DCAF6: variants seen among roughly 807,000 people sequenced by gnomAD.
DCAF6 encodes the protein DDB1 and CUL4 associated factor 6.
In DCAF6, 54 loss-of-function variants were observed where a neutral mutation model predicts 125.1. That is an observed-to-expected ratio of 0.43 (90% CI 0.35 to 0.54). The LOEUF (loss-of-function observed/expected upper bound fraction) is 0.54. Among genes scored for constraint, DCAF6 ranks in the 20% least tolerant of loss-of-function variants. The probability of loss-of-function intolerance (pLI) is 0.01; values close to 1 mark genes in which losing one functional copy is unlikely to be tolerated. For missense variants in DCAF6, 934 were observed against 1,161.7 expected (o/e 0.80, Z 2.85); for synonymous variants, 371 against 390.4 (o/e 0.95, Z 0.58).
intron 13 of DCAF6, among the ~76,000 whole-genome samples, chr1:168,041,368 A>G (rs760533166): frequency 5.3e-4 from 80 of 152,010 alleles, no homozygotes; most frequent in Non-Finnish European, 1.6e-4. Context: ...ATTTTTCCCA[A>G]TTTGGTGTTT....
the DCAF6 span, among the ~76,000 whole-genome samples, chr1:167,872,750 G>A: frequency 2.3e-4 from 34 of 149,246 alleles, no homozygotes; most frequent in African/African-American, 7.9e-4. Flanking sequence ...TGGAATCAGT[G>A]CAAAAGGGCA....
the DCAF6 span, chr1:167,883,696 A>T: frequency 6.9e-7 from 1 of 1,444,464 alleles, no homozygotes; most frequent in Admixed American, 1.7e-5. Flanking sequence ...CACCGCCCCC[A>T]CCTCATACCC....
At chr1:167,866,220 A>G in the DCAF6 span, among the ~76,000 whole-genome samples, 51,767 of 151,972 alleles carry the variant, frequency 0.34, 10,283 homozygotes, top group East Asian at 0.57. Flanking sequence ...CTGGCATTTC[A>G]TCAACAAGAG....
intron 16 of DCAF6, among the ~76,000 whole-genome samples, chr1:168,047,742 G>A (rs754966537): frequency 3.9e-5 from 6 of 151,956 alleles, no homozygotes; most frequent in Non-Finnish European, 8.8e-5. Context: ...TGTGTATACT[G>A]AGGTAATTAG....
the DCAF6 span, among the ~76,000 whole-genome samples, chr1:167,930,763 A>C: frequency 2.6e-5 from 4 of 152,208 alleles, no homozygotes; most frequent in Non-Finnish European, 5.9e-5. Context: ...CACTTTAAAC[A>C]TATTTCATTC....
At chr1:167,975,080 ATG>A in intron 4 of DCAF6, 65 bp downstream of exon 4, 3 of 1,021,822 alleles carry the variant, frequency 2.9e-6, no homozygotes, top group South Asian at 2.5e-5. Flanking sequence ...AAGTACATAC[ATG>A]TGTAGATGCA....
chr1:167,998,590 G>A (rs184820002), intron 7 of DCAF6: 74 of 165,970 alleles, frequency 4.5e-4, no homozygotes, highest in Non-Finnish European at 7.1e-4. Flanking sequence ...CTAAGTTTAT[G>A]TAGTACTCTA....
intron 17 of DCAF6, among the ~76,000 whole-genome samples, chr1:168,061,378 C>T (rs564976385): frequency 1.4e-4 from 21 of 152,188 alleles, no homozygotes; most frequent in African/African-American, 5.1e-4. Flanking sequence ...ATAATTGTTA[C>T]ATAATTATTT....
chr1:167,934,124 T>C (rs1333644775), upstream of DCAF6, among the ~76,000 whole-genome samples: 2 of 152,150 alleles, frequency 1.3e-5, no homozygotes, highest in Non-Finnish European at 2.9e-5. Context: ...TCAGGTGAAA[T>C]GCACATCCTG....
intron 21 of DCAF6, among the ~76,000 whole-genome samples, chr1:168,074,012 ACCTT>A (rs1693490330): frequency 6.7e-6 from 1 of 149,422 alleles, no homozygotes; most frequent in Non-Finnish European, 1.5e-5. Context: ...ATTTGAATAG[ACCTT>A]TATAGATCAG....
the DCAF6 span, among the ~76,000 whole-genome samples, chr1:167,864,440 G>A: frequency 1.7e-4 from 26 of 152,296 alleles, no homozygotes; most frequent in Non-Finnish European, 2.9e-4. Flanking sequence ...TGTTTCAAAT[G>A]TATGGCACAA....
intron 1 of DCAF6, among the ~76,000 whole-genome samples, chr1:167,944,744 T>C (rs1352378546): frequency 6.6e-6 from 1 of 152,224 alleles, no homozygotes; most frequent in African/African-American, 2.4e-5. Flanking sequence ...TTTTCTGTCA[T>C]TCAACAGGAT....
intron 11 of DCAF6, chr1:168,019,609 T>A: frequency 2.2e-6 from 1 of 448,028 alleles, no homozygotes; most frequent in Non-Finnish European, 4.5e-6. Flanking sequence ...AGTCTGCTGG[T>A]ACTGACCTAA....
At chr1:168,034,776 T>G (rs541140383) in intron 12 of DCAF6, among the ~76,000 whole-genome samples, 4 of 152,296 alleles carry the variant, frequency 2.6e-5, no homozygotes, top group African/African-American at 9.6e-5. Flanking sequence ...TAAATAAAAA[T>G]CTACCTTTTA....
At chr1:167,898,089 T>G in the DCAF6 span, among the ~76,000 whole-genome samples, 2 of 143,106 alleles carry the variant, frequency 1.4e-5, no homozygotes, top group African/African-American at 5.2e-5. Context: ...TGGACCACAG[T>G]GGGAAAACTG....
intron 7 of DCAF6, among the ~76,000 whole-genome samples, chr1:167,994,467 C>T (rs1681349015): frequency 6.6e-6 from 1 of 152,048 alleles, no homozygotes; most frequent in East Asian, 1.9e-4. Flanking sequence ...CCCAATTGTG[C>T]CTCTTTCACA....
chr1:168,020,923 C>T (rs929754424), intron 11 of DCAF6, among the ~76,000 whole-genome samples: 5 of 152,050 alleles, frequency 3.3e-5, no homozygotes, highest in African/African-American at 1.2e-4. Context: ...GGAAGGATTT[C>T]TTCATAAAAT....
chr1:167,871,569 C>T, the DCAF6 span, among the ~76,000 whole-genome samples: 2 of 152,150 alleles, frequency 1.3e-5, no homozygotes, highest in South Asian at 4.1e-4. Flanking sequence ...CAATTTCTGT[C>T]AAAAAAGTTG....
chr1:167,912,344 C>T, the DCAF6 span, among the ~76,000 whole-genome samples: 5 of 152,168 alleles, frequency 3.3e-5, no homozygotes, highest in Non-Finnish European at 7.4e-5. Context: ...GAAACAGGGC[C>T]CACCCAACAT....
Sources: allele counts gnomAD v4.1 joint callset (sites outside exome capture counted in the v4.1 genomes callset), GRCh38; gene constraint gnomAD v4.1.1; transcripts MANE v1.5; gene names NCBI Gene and HGNC (gene_info 2026-07-23, HGNC 2026-07-21).